POLR1B: variants seen among roughly 807,000 people sequenced by gnomAD.
POLR1B encodes the protein RNA polymerase I subunit B, also known as DNA-directed RNA polymerase I subunit RPA2.
Under a neutral mutation model 105.8 loss-of-function variants are expected in POLR1B, and 30 were observed. The observed-to-expected ratio is 0.28, with a 90% confidence interval of 0.21 to 0.38. The LOEUF (loss-of-function observed/expected upper bound fraction) is 0.38. Among genes scored for constraint, POLR1B ranks in the 10% least tolerant of loss-of-function variants. The pLI is 1.00. For missense variants in POLR1B, 976 were observed against 1,435.8 expected (o/e 0.68, Z 5.17); for synonymous variants, 485 against 505.1 (o/e 0.96, Z 0.53).
At chr2:112,553,423 C>G (rs1404564770) in intron 7 of POLR1B, 1 of 152,180 alleles carries the variant, frequency 6.6e-6, no homozygotes. Context: ...AGCAATCCTC[C>G]CACCTCAGCC....
At chr2:112,569,568 T>TA (rs1404203663) in intron 12 of POLR1B, among the ~76,000 whole-genome samples, 2 of 151,820 alleles carry the variant, frequency 1.3e-5, no homozygotes, top group Admixed American at 1.3e-4. Context: ...GTTTCTTTTT[T>TA]TTTTTTTTTG....
chr2:112,573,259 T>G lies in POLR1B; in HGVS notation c.2272-303T>G, dbSNP rs112047319. 4.3e-3 allele frequency among the ~76,000 whole-genome samples: 657 copies of G among 152,268 alleles called. 5 individuals are homozygous for G. The highest frequency in any genetic ancestry group is 0.015 in the African/African-American group (609 of 41,554). ...CTGGGACTACAGGCACCCATCACCA[T>G]GCCTGGCTAATTTTCGTGTTTTTAG... On this transcript the variant is annotated intron_variant, in intron 13 of 14. Transcript: ENST00000263331.
chr2:112,548,083 A>G (rs931010095), intron 3 of POLR1B: 2 of 153,004 alleles, frequency 1.3e-5, no homozygotes, highest in Admixed American at 1.3e-4. Flanking sequence ...CTGCTTTGCT[A>G]ACAGTAAGAT....
chr2:112,569,049 C>A, intron 12 of POLR1B, 147 bp downstream of exon 12: 1 of 771,170 alleles, frequency 1.3e-6, no homozygotes, highest in Non-Finnish European at 2.0e-6. Flanking sequence ...GTGCCACAAG[C>A]AACCAGCCCA....
chr2:112,550,106 G>C (rs1683288363), intron 4 of POLR1B, among the ~76,000 whole-genome samples: 1 of 151,930 alleles, frequency 6.6e-6, no homozygotes. Flanking sequence ...GCTGTCTTCT[G>C]GTTCAGGCTG....
At chr2:112,562,306 G>C (rs192944075) in intron 9 of POLR1B, among the ~76,000 whole-genome samples, 18 of 152,226 alleles carry the variant, frequency 1.2e-4, no homozygotes, top group Non-Finnish European at 2.6e-4. Context: ...AATGCATTTA[G>C]GTGGCTTAGA....
chr2:112,544,506 G>T (rs972944360), intron 1 of POLR1B, among the ~76,000 whole-genome samples: 21 of 152,152 alleles, frequency 1.4e-4, no homozygotes, highest in African/African-American at 4.6e-4. Context: ...AAGCAAAAAA[G>T]AAGTTAGATG....
rs1684835778 is a variant in POLR1B, at chr2:112,575,807, AC to A, written c.*80del. On this transcript the variant is annotated 3_prime_UTR_variant, in exon 15 of 15. Transcript: ENST00000263331. The surrounding 1 kb of genome is among the most constrained non-coding windows in gnomAD (Gnocchi z 5.3). Reference sequence around the variant, plus strand: ...ATTTTAATTCAATGAAGATATCATTACCAGGTTACTCTTGAGATTTTTCAAC... The same window carrying A: ...ATTTTAATTCAATGAAGATATCATTACAGGTTACTCTTGAGATTTTTCAAC... The A allele has an allele frequency of 6.9e-7, 1 of 1,450,038 alleles. No individual in the cohort carries two copies. The highest frequency in any genetic ancestry group is 9.3e-7 in the Non-Finnish European group (1 of 1,074,402). 89.8% of individuals were successfully genotyped at this position (1,450,038 alleles called of 1,614,324 possible). A position where few individuals can be genotyped will look rare whatever the true frequency, so the allele number is the denominator to read the frequency against.
chr2:112,572,835 A>G, intron 13 of POLR1B, 77 bp downstream of exon 13: 1 of 1,328,534 alleles, frequency 7.5e-7, no homozygotes, highest in East Asian at 2.4e-5. Context: ...CACTGAAGGA[A>G]TATTTTTGTG....
In POLR1B at chr2:112,575,118, A is replaced by G; in HGVS notation, c.2797A>G (p.Met933Val). 6.2e-7 allele frequency: 1 copy of G among 1,614,204 alleles called. No individual in the cohort carries two copies. Among genetic ancestry groups the G allele is most frequent in the Non-Finnish European group, 8.5e-7 (1 of 1,180,044 alleles). ...GACCATTGGGATGTTAATTGAGAGTATGGCCGGGAAGTCTGCAGCTTTGCA... is the reference window on the plus strand; with the variant it reads ...GACCATTGGGATGTTAATTGAGAGTGTGGCCGGGAAGTCTGCAGCTTTGCA... Reference protein sequence around the residue: ...RMTIGMLIESMAGKSAALHGL... With the variant: ...RMTIGMLIESVAGKSAALHGL... Residue 933 changes from methionine (M) to valine (V), a missense_variant, in exon 15 of 15, where the codon ATG becomes GTG. Transcript: ENST00000263331. The surrounding 1 kb of genome is among the most constrained non-coding windows in gnomAD (Gnocchi z 5.3).
intron 9 of POLR1B, among the ~76,000 whole-genome samples, chr2:112,562,620 T>G (rs1684048047): frequency 6.6e-6 from 1 of 152,148 alleles, no homozygotes; most frequent in East Asian, 1.9e-4. Flanking sequence ...TTCAGTAAGT[T>G]GTAATCTTTT....
At chr2:112,556,906 A>G (rs983174234) in intron 7 of POLR1B, among the ~76,000 whole-genome samples, 1 of 152,210 alleles carries the variant, frequency 6.6e-6, no homozygotes, top group Non-Finnish European at 1.5e-5. Context: ...ATCAAATCAG[A>G]GTAATTAACA....
At position 112,575,215 on chromosome 2, in the gene POLR1B, T is replaced by C. The variant is rs200172230; in HGVS notation, c.2894T>C (p.Met965Thr). The C allele has an allele frequency of 1.2e-6, 2 of 1,614,138 alleles. No homozygotes were observed. The highest frequency in any genetic ancestry group is 1.7e-6 in the Non-Finnish European group (2 of 1,180,030). ...ENSALEYFGE[M>T]LKAAGYNFYG... ...TCGGCCTTAGAATACTTTGGTGAGA[T>C]GTTAAAGGCTGCTGGCTACAATTTC... Residue 965 changes from methionine to threonine, a missense_variant, in exon 15 of 15, where the codon ATG (methionine) becomes ACG (threonine). This residue lies in a region of POLR1B where 40 missense variants were observed against 49.6 expected (regional missense o/e 0.81). Coordinates refer to ENST00000263331, the MANE Select transcript of POLR1B (RefSeq NM_019014.6). The surrounding 1 kb of genome is among the most constrained non-coding windows in gnomAD (Gnocchi z 5.3).
intron 10 of POLR1B, among the ~76,000 whole-genome samples, chr2:112,566,588 T>A (rs1034724123): frequency 6.6e-6 from 1 of 152,214 alleles, no homozygotes; most frequent in Non-Finnish European, 1.5e-5. Flanking sequence ...CTGTTACTAC[T>A]TATTTTGATG....
At chr2:112,555,589 A>T (rs1379614771) in intron 7 of POLR1B, among the ~76,000 whole-genome samples, 3 of 151,676 alleles carry the variant, frequency 2.0e-5, no homozygotes, top group Non-Finnish European at 2.9e-5. Context: ...GCGGCGGAGG[A>T]TGCAGTGTGC....
chr2:112,547,320 A>T (rs1465114317), intron 2 of POLR1B, 101 bp from the exon 3 acceptor site: 49 of 1,492,166 alleles, frequency 3.3e-5, no homozygotes, highest in Non-Finnish European at 4.4e-5. Context: ...AAGGCATAAA[A>T]TAATTTAATT....
chr2:112,564,018 G>T (rs3980079), intron 9 of POLR1B, among the ~76,000 whole-genome samples: 120,817 of 152,078 alleles, frequency 0.79, 48,207 homozygotes, highest in Middle Eastern at 0.88. Flanking sequence ...TAATTCTAGT[G>T]GTCTTGCTAT....
chr2:112,551,638 G>A, intron 5 of POLR1B, 137 bp from the exon 6 acceptor site: 1 of 707,758 alleles, frequency 1.4e-6, no homozygotes, highest in Middle Eastern at 4.0e-4. Flanking sequence ...TTATTTTAGA[G>A]AGTTTACTTT....
Position 112,573,796 on chromosome 2 carries a change from A to G in POLR1B, c.2506A>G (p.Ser836Gly), listed in dbSNP as rs375497493. 40 of 1,613,684 alleles carry G rather than the reference A, an allele frequency of 2.5e-5. 1 individual carries two copies. In the South Asian group the frequency reaches 3.8e-4, roughly 16 times the overall value. ...YSYLNLNTGESFVMYYKSKEN... is the reference protein window; with the variant it reads ...YSYLNLNTGEGFVMYYKSKEN... ...CTACCTCAACCTCAACACCGGGGAA[A>G]GTTTTGTGATGTACTATAAGTAAGT... is the stretch of plus-strand genomic sequence containing the variant. The change falls in exon 14 of 15, where the codon AGT becomes GGT. Residue 836 changes from serine (S) to glycine (G), a missense_variant. Physicochemically the swap from Ser to Gly is moderately conservative, Grantham distance 56. Transcript: ENST00000263331.
Sources: allele counts gnomAD v4.1 joint callset (sites outside exome capture counted in the v4.1 genomes callset), GRCh38; gene constraint gnomAD v4.1.1; regional missense constraint gnomAD v4.1.1; non-coding constraint Gnocchi (gnomAD v3.1); transcripts MANE v1.5; gene names NCBI Gene and HGNC (gene_info 2026-07-23, HGNC 2026-07-21).